Variants in FMN1 observed in about 807,000 individuals in gnomAD.
The protein encoded by FMN1 is formin 1, also known as formin-1.
Under a neutral mutation model 132.4 loss-of-function variants are expected in FMN1, and 110 were observed. The ratio of observed to expected loss-of-function variants is 0.83; its 90% CI spans 0.71 to 0.97. FMN1 has a LOEUF of 0.97. FMN1 is among the 50% of genes least tolerant of loss of function. The pLI, the probability that FMN1 is intolerant of heterozygous loss-of-function variation, is 0.00. For missense variants in FMN1, 1,792 were observed against 1,705.3 expected, an observed-to-expected ratio of 1.05 and a Z score of -0.90; for synonymous variants, 722 against 651.7, an observed-to-expected ratio of 1.11 and a Z score of -1.64.
chr15:32,862,086 C>A (rs11638794), intron 16 of FMN1, among the ~76,000 whole-genome samples: 10,764 of 152,150 alleles, frequency 0.071, 473 homozygotes, highest in African/African-American at 0.11. Flanking sequence ...TTGCCTGCTC[C>A]AATTTATTGA....
intron 9 of FMN1, among the ~76,000 whole-genome samples, chr15:32,930,689 C>T (rs2061091408): frequency 6.6e-6 from 1 of 151,678 alleles, no homozygotes; most frequent in Non-Finnish European, 1.5e-5. Flanking sequence ...TAACATAGTC[C>T]CCTTTGTGCA....
intron 16 of FMN1, among the ~76,000 whole-genome samples, chr15:32,867,995 T>C (rs946517622): frequency 2.6e-5 from 4 of 152,206 alleles, no homozygotes; most frequent in Non-Finnish European, 5.9e-5. Context: ...GCTAAATAAA[T>C]GAATAAACTA....
chr15:32,962,012 C>G (rs148819860), intron 9 of FMN1, among the ~76,000 whole-genome samples: 3 of 152,224 alleles, frequency 2.0e-5, no homozygotes, highest in African/African-American at 4.8e-5. Flanking sequence ...TCACCCCCAC[C>G]CTACTAAAGT....
chr15:33,128,949 G>T (rs1359481005), intron 4 of FMN1, among the ~76,000 whole-genome samples: 1 of 152,200 alleles, frequency 6.6e-6, no homozygotes, highest in Admixed American at 6.5e-5. Flanking sequence ...GTGCTGATTG[G>T]TCCATTTTAC....
chr15:33,104,506 T>A (rs1355361126), intron 4 of FMN1, among the ~76,000 whole-genome samples: 1 of 152,070 alleles, frequency 6.6e-6, no homozygotes, highest in African/African-American at 2.4e-5. Flanking sequence ...CACCCTGGTA[T>A]GTGGTTGGGG....
intron 7 of FMN1, among the ~76,000 whole-genome samples, chr15:33,002,060 T>G (rs2034150905): frequency 1.3e-5 from 2 of 152,240 alleles, no homozygotes; most frequent in South Asian, 4.1e-4. Context: ...GAAAGTTCTC[T>G]GCTTATTTAG....
intron 6 of FMN1, among the ~76,000 whole-genome samples, chr15:33,016,380 T>C (rs917243548): frequency 1.3e-5 from 2 of 152,228 alleles, no homozygotes; most frequent in Non-Finnish European, 2.9e-5. Flanking sequence ...AGCTTTCATA[T>C]TTAATAAGCT....
chr15:32,859,623 T>C (rs2059216870), intron 16 of FMN1, among the ~76,000 whole-genome samples: 1 of 152,254 alleles, frequency 6.6e-6, no homozygotes, highest in Non-Finnish European at 1.5e-5. Context: ...TGTTTATGTT[T>C]TACCTTTAAT....
At chr15:33,033,207 T>C (rs1164317108) in intron 6 of FMN1, among the ~76,000 whole-genome samples, 6 of 152,120 alleles carry the variant, frequency 3.9e-5, no homozygotes, top group African/African-American at 9.7e-5. Context: ...ATTTTTTGTA[T>C]TTTTAGTAGA....
chr15:33,068,891 G>A (rs181823528), intron 5 of FMN1, among the ~76,000 whole-genome samples: 5 of 152,288 alleles, frequency 3.3e-5, no homozygotes, highest in African/African-American at 9.6e-5. Context: ...TGTGCCAACC[G>A]CAGGCTTCTT....
intron 5 of FMN1, among the ~76,000 whole-genome samples, chr15:33,079,296 T>G (rs1175076214): frequency 1.3e-5 from 2 of 152,220 alleles, no homozygotes; most frequent in Admixed American, 6.5e-5. Flanking sequence ...GATGCAATAA[T>G]TTAGCCAAGC....
intron 9 of FMN1, among the ~76,000 whole-genome samples, chr15:32,957,019 G>C (rs1316309588): frequency 6.6e-6 from 1 of 152,090 alleles, no homozygotes; most frequent in African/African-American, 2.4e-5. Flanking sequence ...ACTAGTATCT[G>C]CTGAACCATC....
chr15:32,857,503 T>C (rs1042693456), intron 16 of FMN1, among the ~76,000 whole-genome samples: 6 of 151,986 alleles, frequency 3.9e-5, no homozygotes, highest in African/African-American at 9.7e-5. Flanking sequence ...ACTCCAAAAG[T>C]AGAGCTTGAA....
chr15:32,869,525 A>G (rs2059466801), intron 16 of FMN1, among the ~76,000 whole-genome samples: 1 of 152,238 alleles, frequency 6.6e-6, no homozygotes, highest in African/African-American at 2.4e-5. Flanking sequence ...TCAAGTATAT[A>G]TAAAAGTCTG....
At chr15:32,798,708 C>T in intron 19 of FMN1, 96 bp downstream of exon 19, 1 of 1,127,142 alleles carries the variant, frequency 8.9e-7, no homozygotes, top group Non-Finnish European at 1.2e-6. Context: ...CGAAAGAAAA[C>T]ATCGACAGGT....
intron 3 of FMN1, among the ~76,000 whole-genome samples, chr15:33,177,048 C>A (rs1595603631): frequency 1.3e-5 from 2 of 152,182 alleles, no homozygotes; most frequent in South Asian, 4.1e-4. Flanking sequence ...AAGGGCTTTA[C>A]CTGTTTTAAC....
intron 6 of FMN1, among the ~76,000 whole-genome samples, chr15:33,051,244 G>A (rs1264325015): frequency 6.6e-6 from 1 of 152,166 alleles, no homozygotes; most frequent in African/African-American, 2.4e-5. Context: ...AGAATCAGAT[G>A]TGTCCTCTTT....
intron 17 of FMN1, among the ~76,000 whole-genome samples, chr15:32,832,873 C>T (rs1192210714): frequency 4.6e-5 from 7 of 152,082 alleles, no homozygotes; most frequent in Non-Finnish European, 8.8e-5. Flanking sequence ...CTTTATGACC[C>T]CGGGTTACCT....
At chr15:32,801,028 C>T (rs529310774) in intron 18 of FMN1, among the ~76,000 whole-genome samples, 1 of 152,178 alleles carries the variant, frequency 6.6e-6, no homozygotes, top group Non-Finnish European at 1.5e-5. Context: ...GATTTTCCAG[C>T]AAAATATAGT....
Sources: gnomAD v4.1 joint callset for allele counts (sites outside exome capture counted in the v4.1 genomes callset) on GRCh38, gnomAD v4.1.1 for gene constraint, MANE v1.5 for transcripts, NCBI Gene and HGNC (gene_info 2026-07-23, HGNC 2026-07-21) for gene names.